The following MAGI2 variants were observed in gnomAD, a reference collection of about 807,000 sequenced individuals.
MAGI2 encodes membrane associated guanylate kinase, WW and PDZ domain containing 2.
MAGI2 carries 35 observed loss-of-function variants against 133.3 expected under a neutral mutation model. The ratio of observed to expected loss-of-function variants is 0.26; its 90% CI spans 0.20 to 0.35. The LOEUF is 0.35. MAGI2 is among the 10% of genes least tolerant of loss of function. The probability of loss-of-function intolerance (pLI) is 1.00; values close to 1 mark genes in which losing one functional copy is unlikely to be tolerated. For synonymous variants in MAGI2, 729 were observed against 710.6 expected (o/e 1.03, Z -0.41); for missense variants, 1,636 against 1,863.4 (o/e 0.88, Z 2.25).
intron 2 of MAGI2, among the ~76,000 whole-genome samples, chr7:78,742,062 C>T (rs1051217775): frequency 2.8e-4 from 43 of 151,906 alleles, no homozygotes; most frequent in Non-Finnish European, 5.4e-4. Context: ...TTGGTAATTG[C>T]ATTGGGTAGA....
chr7:79,259,489 G>T (rs1024420650), intron 1 of MAGI2, among the ~76,000 whole-genome samples: 19 of 152,098 alleles, frequency 1.2e-4, no homozygotes, highest in Non-Finnish European at 1.5e-5. Context: ...AAGGCTTTTT[G>T]AGCCAAAGTA....
At chr7:79,410,578 A>G (rs993244234) in intron 1 of MAGI2, 1 of 152,164 alleles carries the variant, frequency 6.6e-6, no homozygotes, top group African/African-American at 2.4e-5. Flanking sequence ...TGGCATGACT[A>G]ATCTCAATGA....
chr7:78,505,811 C>T lies in MAGI2; in HGVS notation c.755-4024G>A, dbSNP rs577906468. Among the ~76,000 whole-genome samples the T allele has an allele frequency of 6.6e-5, 10 of 152,246 alleles. 1 individual carries two copies. The highest frequency in any genetic ancestry group is 3.4e-3 in the Middle Eastern group (1 of 294). On this transcript the variant is annotated intron_variant, in intron 4 of 21. Coordinates refer to ENST00000354212, the MANE Select transcript of MAGI2 (RefSeq NM_012301.4). ...TCTTCTGTATGTATATTCATCTAAT[C>T]TCATATAAAGAGTCAGGGAAAACCT...
At chr7:79,239,924 C>A (rs1184957753) in intron 1 of MAGI2, among the ~76,000 whole-genome samples, 1 of 152,180 alleles carries the variant, frequency 6.6e-6, no homozygotes, top group African/African-American at 2.4e-5. Context: ...AGAATTGCTC[C>A]TGCCTTCTGA....
At chr7:78,522,027 T>A (rs961994574) in intron 3 of MAGI2, among the ~76,000 whole-genome samples, 6 of 152,342 alleles carry the variant, frequency 3.9e-5, no homozygotes, top group African/African-American at 1.4e-4. Context: ...AGGTAATTTT[T>A]TTGTAGTGGG....
rs533151228 is a variant in MAGI2 at position 78,746,055 on chromosome 7, C to T, written c.419-118816G>A. Among the ~76,000 whole-genome samples the T allele has an allele frequency of 3.1e-3, 469 of 152,280 alleles. 3 individuals carry two copies. Among genetic ancestry groups the T allele is most frequent in the Non-Finnish European group, 5.6e-3 (381 of 68,026 alleles). On this transcript the variant is annotated intron_variant, in intron 2 of 21. Coordinates refer to ENST00000354212, the MANE Select transcript of MAGI2 (RefSeq NM_012301.4). ...CTAGGCTGTAGAAACCAGCCACCAT[C>T]CAAAACTTGTCACATAACAATCAGA...
rs1307947595 is a variant in MAGI2 at position 78,195,055 on chromosome 7, G to A, written c.2088C>T (p.Asp696=). ...SPWKTPKPIM[D]RWENQGSPQT... ...GAGGACTGCCTTGATTCTCCCATCG[G>A]TCCATTATCTGAAAAGTGACAGAGG... The change falls in exon 12 of 22, where the codon GAC becomes GAT. Residue 696 remains aspartate, a synonymous_variant. Coordinates refer to ENST00000354212, the MANE Select transcript of MAGI2 (RefSeq NM_012301.4). 6.2e-7 allele frequency: 1 copy of A among 1,601,612 alleles called. No homozygotes were observed. The highest frequency in any genetic ancestry group is 1.3e-5 in the African/African-American group (1 of 74,074).
chr7:78,175,342 A>T (rs377413700), intron 14 of MAGI2, among the ~76,000 whole-genome samples: 1 of 152,088 alleles, frequency 6.6e-6, no homozygotes, highest in East Asian at 1.9e-4. Flanking sequence ...GTCCAGTGTG[A>T]CATACTTCTC....
intron 3 of MAGI2, among the ~76,000 whole-genome samples, chr7:78,589,797 T>A (rs779543854): frequency 6.6e-6 from 1 of 152,344 alleles, no homozygotes; most frequent in Middle Eastern, 3.4e-3. Flanking sequence ...ACTTTAAATA[T>A]AGGTCTTCAA....
At chr7:78,844,428 A>G (rs1792411173) in intron 2 of MAGI2, among the ~76,000 whole-genome samples, 1 of 151,962 alleles carries the variant, frequency 6.6e-6, no homozygotes, top group African/African-American at 2.4e-5. Flanking sequence ...TAATGAATGG[A>G]TACACAAATG....
At chr7:79,352,158 A>C (rs1310074388) in intron 1 of MAGI2, among the ~76,000 whole-genome samples, 1 of 152,188 alleles carries the variant, frequency 6.6e-6, no homozygotes, top group Non-Finnish European at 1.5e-5. Context: ...CACATTAAGC[A>C]ACACTTCAGG....
chr7:78,071,289 A>C (rs1282524560), intron 21 of MAGI2, among the ~76,000 whole-genome samples: 1 of 152,060 alleles, frequency 6.6e-6, no homozygotes, highest in African/African-American at 2.4e-5. Context: ...TAATCCCAGC[A>C]CTTTGGGAGG....
At chr7:78,196,565 C>T (rs1828756536) in intron 11 of MAGI2, among the ~76,000 whole-genome samples, 1 of 152,158 alleles carries the variant, frequency 6.6e-6, no homozygotes, top group Admixed American at 6.5e-5. Context: ...CACCTCTGGT[C>T]TGTCCATCAT....
intron 2 of MAGI2, among the ~76,000 whole-genome samples, chr7:78,823,201 T>C (rs75436382): frequency 0.023 from 3,528 of 152,304 alleles, 137 homozygotes; most frequent in African/African-American, 0.081. Flanking sequence ...TACCTTGTCA[T>C]TGCAGAGTGG....
intron 1 of MAGI2, among the ~76,000 whole-genome samples, chr7:79,288,696 AG>A (rs1483068258): frequency 6.6e-6 from 1 of 152,146 alleles, no homozygotes; most frequent in African/African-American, 2.4e-5. Context: ...AGGAAAGTTG[AG>A]GAATTTGGGC....
chr7:78,842,235 C>T (rs984249363), intron 2 of MAGI2, among the ~76,000 whole-genome samples: 1 of 151,962 alleles, frequency 6.6e-6, no homozygotes, highest in African/African-American at 2.4e-5. Flanking sequence ...GAAAGAACCT[C>T]CTGTAAGGAG....
rs1448691292 is a variant in MAGI2, at chr7:78,018,564, C to CTGT, written c.*748_*750dup. 2.0e-5 allele frequency: 3 copies of CTGT among 152,190 alleles called. No homozygotes were observed. The highest frequency in any genetic ancestry group is 4.4e-5 in the Non-Finnish European group (3 of 68,032). 9.4% of individuals were successfully genotyped at this position (152,190 alleles called of 1,614,324 possible). A position where few individuals can be genotyped will look rare whatever the true frequency, so the allele number is the denominator to read the frequency against. ...CTGCAAAATTCTGACTTATGGCAAA[C>CTGT]TGTTCCCTAGGATACAATTTTTAAA... On this transcript the variant is annotated 3_prime_UTR_variant, in exon 22 of 22. Coordinates refer to ENST00000354212, the MANE Select transcript of MAGI2 (RefSeq NM_012301.4).
At chr7:78,511,512 CT>C (rs201405738) in intron 4 of MAGI2, among the ~76,000 whole-genome samples, 3 of 143,456 alleles carry the variant, frequency 2.1e-5, no homozygotes, top group South Asian at 2.2e-4. Flanking sequence ...TGTATAGTGA[CT>C]TTTTTTTGCT....
intron 1 of MAGI2, among the ~76,000 whole-genome samples, chr7:79,325,926 A>G (rs1252019944): frequency 6.6e-6 from 1 of 152,114 alleles, no homozygotes; most frequent in Non-Finnish European, 1.5e-5. Flanking sequence ...ATAATTAACC[A>G]CATTGAGTGC....
Sources: allele counts gnomAD v4.1 joint callset (sites outside exome capture counted in the v4.1 genomes callset), GRCh38; gene constraint gnomAD v4.1.1; transcripts MANE v1.5; gene names NCBI Gene and HGNC (gene_info 2026-07-23, HGNC 2026-07-21).